The following NARS2 variants were observed in gnomAD, a reference collection of about 807,000 sequenced individuals.
The protein encoded by NARS2 is asparaginyl-tRNA synthetase 2, mitochondrial.
A neutral mutation model predicts 62.9 loss-of-function variants in NARS2; 60 were observed. The ratio of observed to expected loss-of-function variants is 0.95; its 90% CI spans 0.77 to 1.18. The LOEUF (loss-of-function observed/expected upper bound fraction) is 1.18, where lower values mean the gene tolerates loss of function less well. Ranked by LOEUF, NARS2 falls within the 50% of genes most tolerant of loss-of-function variation. The probability of loss-of-function intolerance (pLI) is 0.00; values close to 1 mark genes in which losing one functional copy is unlikely to be tolerated. For synonymous variants in NARS2, 196 were observed against 200.0 expected, an observed-to-expected ratio of 0.98 and a Z score of 0.17; for missense variants, 619 against 576.4, an observed-to-expected ratio of 1.07 and a Z score of -0.76.
chr11:78,559,699 A>G, intron 4 of NARS2, 80 bp from the exon 5 acceptor site: 2 of 922,160 alleles, frequency 2.2e-6, no homozygotes, highest in East Asian at 2.4e-5. Flanking sequence ...TAGTATTAAA[A>G]TGGCACACTA....
chr11:78,449,426 C>A (rs1348676274), intron 11 of NARS2, among the ~76,000 whole-genome samples: 1 of 151,902 alleles, frequency 6.6e-6, no homozygotes, highest in Non-Finnish European at 1.5e-5. Flanking sequence ...CGTGAGCCAC[C>A]GCGCCTGGCC....
chr11:78,556,844 A>G (rs1856372006), intron 5 of NARS2, among the ~76,000 whole-genome samples: 1 of 152,242 alleles, frequency 6.6e-6, no homozygotes, highest in Non-Finnish European at 1.5e-5. Context: ...CTTAGGACAA[A>G]GAGGAAAACG....
chr11:78,507,752 C>T (rs1432645784), intron 6 of NARS2, among the ~76,000 whole-genome samples: 3 of 152,050 alleles, frequency 2.0e-5, no homozygotes, highest in African/African-American at 7.2e-5. Flanking sequence ...ATCTCCTGAC[C>T]TCAGGATCCA....
At chr11:78,483,838 T>A (rs1437343436) in intron 7 of NARS2, among the ~76,000 whole-genome samples, 1 of 152,184 alleles carries the variant, frequency 6.6e-6, no homozygotes, top group Non-Finnish European at 1.5e-5. Flanking sequence ...ATAGATTCAA[T>A]GCTATTCCCA....
rs140805591 is a variant in NARS2, at chr11:78,459,521, C to T, written c.1164+6355G>A. Reference sequence around the variant, plus strand: ...CCTGCCTCAGGTGATCCACCCGCCTCGGCCTCCCAAAGTGCTGGGATTACA... The same window carrying T: ...CCTGCCTCAGGTGATCCACCCGCCTTGGCCTCCCAAAGTGCTGGGATTACA... On this transcript the variant is annotated intron_variant, in intron 11 of 13. Transcript: ENST00000281038. 4.4e-3 allele frequency among the ~76,000 whole-genome samples: 645 copies of T among 146,190 alleles called. 28 individuals carry two copies. Among genetic ancestry groups the T allele is most frequent in the African/African-American group, 0.017 (614 of 36,678 alleles).
intron 5 of NARS2, among the ~76,000 whole-genome samples, chr11:78,536,580 G>C (rs1855353789): frequency 6.6e-6 from 1 of 151,908 alleles, no homozygotes; most frequent in South Asian, 2.1e-4. Flanking sequence ...AAAGCTTATA[G>C]AATAATGAAA....
chr11:78,456,548 T>C (rs1858170250), intron 11 of NARS2, among the ~76,000 whole-genome samples: 1 of 152,202 alleles, frequency 6.6e-6, no homozygotes, highest in Non-Finnish European at 1.5e-5. Context: ...CTCTGGGAAA[T>C]TTATTGCACA....
At chr11:78,454,262 G>A (rs146913016) in intron 11 of NARS2, among the ~76,000 whole-genome samples, 3 of 152,144 alleles carry the variant, frequency 2.0e-5, no homozygotes, top group Middle Eastern at 6.8e-3. Flanking sequence ...TTGGATATTT[G>A]TGCCCTCCCA....
intron 11 of NARS2, among the ~76,000 whole-genome samples, chr11:78,449,358 G>C (rs1045613051): frequency 2.0e-5 from 3 of 151,424 alleles, no homozygotes; most frequent in Non-Finnish European, 4.4e-5. Flanking sequence ...GGATGGTCTC[G>C]GATCTCCTGA....
chr11:78,535,720 CG>C (rs1322047373), intron 5 of NARS2, among the ~76,000 whole-genome samples: 2 of 151,882 alleles, frequency 1.3e-5, no homozygotes, highest in African/African-American at 2.4e-5. Flanking sequence ...ACCTCTGCCC[CG>C]CCAGGTTCAA....
chr11:78,542,574 A>C (rs1199695941), intron 5 of NARS2, among the ~76,000 whole-genome samples: 1 of 152,224 alleles, frequency 6.6e-6, no homozygotes, highest in African/African-American at 2.4e-5. Flanking sequence ...TCCAGAGTTA[A>C]GTCTCCAAAC....
chr11:78,439,041 T>C lies in NARS2; in HGVS notation c.1289+2050A>G, dbSNP rs544645039. Among the ~76,000 whole-genome samples, 15 of 152,016 alleles carry C rather than the reference T, an allele frequency of 9.9e-5. No individual in the cohort carries two copies. The East Asian group carries it at 2.3e-3, about 24-fold the overall frequency. On this transcript the variant is annotated intron_variant, in intron 13 of 13. Coordinates refer to ENST00000281038, the MANE Select transcript of NARS2 (RefSeq NM_024678.6). Reference sequence around the variant, plus strand: ...CCCAGGCTGGGGTGCAGTCTGTATTTAGCTTTTTTTTTTGAGATGGACTTT... The same window carrying C: ...CCCAGGCTGGGGTGCAGTCTGTATTCAGCTTTTTTTTTTGAGATGGACTTT...
chr11:78,475,843 C>T (rs1859071799), intron 9 of NARS2, among the ~76,000 whole-genome samples: 1 of 152,076 alleles, frequency 6.6e-6, no homozygotes, highest in Non-Finnish European at 1.5e-5. Flanking sequence ...TCAAGTGATC[C>T]TCCCACCTCA....
rs118090283 is a variant in NARS2 at position 78,477,341 on chromosome 11, C to T, written c.959+1097G>A. 2.4e-3 allele frequency among the ~76,000 whole-genome samples: 371 copies of T among 152,220 alleles called. 4 individuals carry two copies. The East Asian group carries it at 0.026, about 10-fold the overall frequency. On this transcript the variant is annotated intron_variant, in intron 9 of 13. Coordinates refer to ENST00000281038, the MANE Select transcript of NARS2 (RefSeq NM_024678.6). The stretch of plus-strand genomic sequence containing the variant: ...CTCAATCTTAACATGTCTGTGTTCC[C>T]GATACCACCCCTTCCTCTCAAAGCT...
chr11:78,459,781 T>C (rs1858320056), intron 11 of NARS2, among the ~76,000 whole-genome samples: 1 of 146,550 alleles, frequency 6.8e-6, no homozygotes, highest in Non-Finnish European at 1.5e-5. Flanking sequence ...AGTCCTCACG[T>C]CTTTTGACAT....
At chr11:78,569,355 A>AT (rs1279800453) in intron 2 of NARS2, among the ~76,000 whole-genome samples, 1 of 152,146 alleles carries the variant, frequency 6.6e-6, no homozygotes, top group African/African-American at 2.4e-5. Context: ...AGGTCTCACC[A>AT]TGCTGTCAAG....
chr11:78,493,239 T>G, intron 6 of NARS2, 44 bp from the exon 7 acceptor site: 1 of 1,499,584 alleles, frequency 6.7e-7, no homozygotes, highest in Non-Finnish European at 9.0e-7. Context: ...TTCACATGAT[T>G]AATTTTAAGT....
chr11:78,443,356 G>A (rs1472387138), intron 12 of NARS2, among the ~76,000 whole-genome samples: 1 of 151,220 alleles, frequency 6.6e-6, no homozygotes, highest in Non-Finnish European at 1.5e-5. Flanking sequence ...AAAAAAAAAT[G>A]TAGGACAAGC....
chr11:78,574,290 G>C (rs758182878), intron 1 of NARS2, 58 bp downstream of exon 1: 245 of 1,602,216 alleles, frequency 1.5e-4, no homozygotes, highest in Non-Finnish European at 2.0e-4. Context: ...AGCTAGATGT[G>C]GATGTGCCAT....
Sources: allele counts gnomAD v4.1 joint callset (sites outside exome capture counted in the v4.1 genomes callset), GRCh38; gene constraint gnomAD v4.1.1; transcripts MANE v1.5; gene names NCBI Gene and HGNC (gene_info 2026-07-23, HGNC 2026-07-21).